The following ENOX2 variants were observed in gnomAD, a reference collection of about 807,000 sequenced individuals.
The protein encoded by ENOX2 is APK1 antigen.
In ENOX2, 36 loss-of-function variants were observed where a neutral mutation model predicts 45.0. The observed-to-expected ratio is 0.80, with a 90% CI of 0.61 to 1.06. The LOEUF (loss-of-function observed/expected upper bound fraction) is 1.06. Ranked by LOEUF, ENOX2 falls within the 50% of genes least tolerant of loss-of-function variation. ENOX2 has a pLI of 0.00. For synonymous variants in ENOX2, 174 were observed against 152.3 expected, an observed-to-expected ratio of 1.14 and a Z score of -1.05; for missense variants, 423 against 462.5, an observed-to-expected ratio of 0.91 and a Z score of 0.78.
chrX:130,828,002 C>G (rs2077750585), intron 2 of ENOX2, among the ~76,000 whole-genome samples: 1 of 112,182 alleles, frequency 8.9e-6, no homozygotes, highest in African/African-American at 3.2e-5. Flanking sequence ...TTATCATTGT[C>G]ATTTTTCCGA....
At chrX:130,732,041 G>A (rs1454785588) in intron 3 of ENOX2, among the ~76,000 whole-genome samples, 1 of 111,890 alleles carries the variant, frequency 8.9e-6, no homozygotes, top group Non-Finnish European at 1.9e-5. Context: ...ATCCAAATAG[G>A]AAAGCAAAAG....
At chrX:130,820,056 G>T (rs1489207968) in intron 2 of ENOX2, among the ~76,000 whole-genome samples, 1 of 111,795 alleles carries the variant, frequency 8.9e-6, no homozygotes, top group Non-Finnish European at 1.9e-5. Flanking sequence ...GAAAACATTC[G>T]CAAACCATTT....
intron 3 of ENOX2, among the ~76,000 whole-genome samples, chrX:130,716,924 A>G (rs1356534501): frequency 2.7e-5 from 3 of 111,701 alleles, no homozygotes; most frequent in Non-Finnish European, 5.6e-5. Flanking sequence ...ATCACCTTTA[A>G]TCTATTTGTG....
At chrX:130,716,819 A>G (rs1371492740) in intron 3 of ENOX2, among the ~76,000 whole-genome samples, 1 of 112,635 alleles carries the variant, frequency 8.9e-6, no homozygotes, top group African/African-American at 3.2e-5. Context: ...ACAGTAGTCC[A>G]AATAGCAAAC....
At chrX:130,819,491 T>C (rs1473991205) in intron 2 of ENOX2, among the ~76,000 whole-genome samples, 1 of 112,250 alleles carries the variant, frequency 8.9e-6, no homozygotes, top group Non-Finnish European at 1.9e-5. Context: ...CCATCAATGA[T>C]AGACTGGATA....
intron 2 of ENOX2, among the ~76,000 whole-genome samples, chrX:130,875,048 T>C (rs749488895): frequency 3.6e-5 from 4 of 111,902 alleles, no homozygotes; most frequent in Non-Finnish European, 7.5e-5. Context: ...TGTCTTATAT[T>C]ACATATTTAT....
chrX:130,879,098 T>G (rs1332979176), intron 2 of ENOX2, among the ~76,000 whole-genome samples: 1 of 111,444 alleles, frequency 9.0e-6, no homozygotes, highest in East Asian at 2.8e-4. Flanking sequence ...CTCAGCAGAG[T>G]GTGTAAGGCT....
chrX:130,663,856 C>T (rs2036763458), intron 9 of ENOX2, among the ~76,000 whole-genome samples: 1 of 111,603 alleles, frequency 9.0e-6, no homozygotes, highest in African/African-American at 3.3e-5. Context: ...ACTTTCATTA[C>T]CCTTCTAACT....
chrX:130,655,751 C>T (rs140357604), intron 10 of ENOX2, among the ~76,000 whole-genome samples: 1,164 of 111,736 alleles, frequency 0.01, 22 homozygotes, highest in African/African-American at 0.036. Flanking sequence ...TCTTCTGCCT[C>T]AGCCTCCCGA....
intron 3 of ENOX2, among the ~76,000 whole-genome samples, chrX:130,751,310 T>C (rs1046400713): frequency 8.9e-6 from 1 of 112,321 alleles, no homozygotes; most frequent in Non-Finnish European, 1.9e-5. Flanking sequence ...TGTGACATTA[T>C]GTGTCCAGCT....
intron 8 of ENOX2, among the ~76,000 whole-genome samples, chrX:130,666,352 T>C (rs1458963561): frequency 8.9e-6 from 1 of 112,090 alleles, no homozygotes; most frequent in African/African-American, 3.2e-5. Flanking sequence ...AAGGATGCTG[T>C]GTAAGTGCGG....
intron 2 of ENOX2, among the ~76,000 whole-genome samples, chrX:130,888,008 T>C (rs759552184): frequency 8.9e-6 from 1 of 112,101 alleles, no homozygotes; most frequent in East Asian, 2.8e-4. Context: ...CTATTGAACA[T>C]GACATCTCTT....
Position 130,729,862 on chromosome X carries a change from A to C in ENOX2, c.-38-26608T>G, listed in dbSNP as rs772488048. ...GCTTTCGATAAAGAATGTTTAGCCA[A>C]AGTGGCCTGGAATACCTATGGTCTT... On this transcript the variant is annotated intron_variant, in intron 3 of 14. Transcript: ENST00000394363. Among the ~76,000 whole-genome samples, 21 of 112,223 alleles carry C rather than the reference A, an allele frequency of 1.9e-4. No homozygotes were observed. The Admixed American group carries it at 2.0e-3, about 11-fold the overall frequency.
At chrX:130,824,738 C>T (rs111604421) in intron 2 of ENOX2, among the ~76,000 whole-genome samples, 5 of 111,405 alleles carry the variant, frequency 4.5e-5, no homozygotes, top group African/African-American at 1.6e-4. Context: ...AGGCAATTCT[C>T]AGAAAAGGAA....
chrX:130,773,946 G>C (rs2039798093), intron 3 of ENOX2, among the ~76,000 whole-genome samples: 1 of 112,021 alleles, frequency 8.9e-6, no homozygotes, highest in African/African-American at 3.2e-5. Flanking sequence ...TCATCATTAT[G>C]GATTTTTATT....
intron 11 of ENOX2, among the ~76,000 whole-genome samples, chrX:130,636,105 CATGATACA>C (rs1391578908): frequency 8.9e-6 from 1 of 111,844 alleles, no homozygotes; most frequent in Admixed American, 9.5e-5. Context: ...GGTTAAAAAG[CATGATACA>C]ATGTACATTG....
intron 2 of ENOX2, among the ~76,000 whole-genome samples, chrX:130,785,968 G>C (rs2076963241): frequency 8.9e-6 from 1 of 112,582 alleles, no homozygotes; most frequent in Non-Finnish European, 1.9e-5. Flanking sequence ...CTGTGGCAAA[G>C]ATAAACACAT....
chrX:130,795,358 G>A (rs2077104375), intron 2 of ENOX2, among the ~76,000 whole-genome samples: 1 of 111,352 alleles, frequency 9.0e-6, no homozygotes, highest in Non-Finnish European at 1.9e-5. Flanking sequence ...TAAAAAGCCT[G>A]CAAAAAAATC....
intron 9 of ENOX2, among the ~76,000 whole-genome samples, chrX:130,663,988 G>A (rs2148111136): frequency 9.0e-6 from 1 of 111,571 alleles, no homozygotes; most frequent in African/African-American, 3.3e-5. Context: ...AACAACATGA[G>A]GCAGCCCTAG....
Sources: allele counts gnomAD v4.1 joint callset (sites outside exome capture counted in the v4.1 genomes callset), GRCh38; gene constraint gnomAD v4.1.1; transcripts MANE v1.5; gene names NCBI Gene and HGNC (gene_info 2026-07-23, HGNC 2026-07-21).